Variants in CLNK observed in about 807,000 individuals in gnomAD.
The protein encoded by CLNK is cytokine-dependent hematopoietic cell linker.
Under a neutral mutation model 68.6 loss-of-function variants are expected in CLNK, and 74 were observed. That is an observed-to-expected ratio of 1.08 (90% CI 0.89 to 1.31). The LOEUF (loss-of-function observed/expected upper bound fraction) is 1.31. Among genes scored for constraint, CLNK ranks in the 50% most tolerant of loss-of-function variants. The pLI, the probability that CLNK is intolerant of heterozygous loss-of-function variation, is 0.00. For missense variants in CLNK, 553 were observed against 515.3 expected (o/e 1.07, Z -0.71); for synonymous variants, 198 against 172.2 (o/e 1.15, Z -1.17).
At chr4:10,549,140 A>T (rs1212692495) in intron 8 of CLNK, among the ~76,000 whole-genome samples, 1 of 152,192 alleles carries the variant, frequency 6.6e-6, no homozygotes, top group Non-Finnish European at 1.5e-5. Context: ...CAATAGTTAC[A>T]AAAATCCACG....
intron 15 of CLNK, among the ~76,000 whole-genome samples, chr4:10,514,959 G>A (rs1171770037): frequency 2.0e-5 from 3 of 152,160 alleles, no homozygotes; most frequent in South Asian, 2.1e-4. Context: ...ATTCTGGGCC[G>A]GGTGTGGTGG....
intron 1 of CLNK, among the ~76,000 whole-genome samples, chr4:10,669,399 G>A (rs1310398587): frequency 1.3e-5 from 2 of 152,206 alleles, no homozygotes; most frequent in Admixed American, 6.5e-5. Context: ...TAATACTTGA[G>A]CTTTGTCTTG....
rs1479755209 is a variant in CLNK, at chr4:10,513,464, C to G, written c.906G>C (p.Lys302Asn). The change falls in exon 16 of 19, where the codon AAG (lysine) becomes AAC (asparagine). Residue 302 changes from lysine (K) to asparagine (N), a missense_variant and splice_region_variant. Physicochemically the swap from Lys to Asn is moderately conservative, Grantham distance 94. Coordinates refer to ENST00000226951, the MANE Select transcript of CLNK (RefSeq NM_052964.4). ...RPPFPKRSDR[K>N]DVQHNEWYIG... ...ACTTGGCAGAGAAGTGTCTGCTTACCTTTCTATCAGACCTTTTGGGGAAAG... is the reference window on the plus strand; with the variant it reads ...ACTTGGCAGAGAAGTGTCTGCTTACGTTTCTATCAGACCTTTTGGGGAAAG... 6 of 1,610,604 alleles carry G rather than the reference C, an allele frequency of 3.7e-6. No individual in the cohort carries two copies. Among genetic ancestry groups the G allele is most frequent in the Non-Finnish European group, 5.1e-6 (6 of 1,178,516 alleles).
chr4:10,693,605 A>G, the CLNK span, among the ~76,000 whole-genome samples: 1 of 152,170 alleles, frequency 6.6e-6, no homozygotes, highest in Non-Finnish European at 1.5e-5. Context: ...GGCCTCCAGA[A>G]CCCTGAGAGG....
At chr4:10,711,402 C>G in the CLNK span, among the ~76,000 whole-genome samples, 1 of 152,288 alleles carries the variant, frequency 6.6e-6, no homozygotes, top group Admixed American at 6.5e-5. Context: ...AGTCACAGAA[C>G]ATTCTCTTCC....
In CLNK at chr4:10,605,278, C is replaced by T. The variant is rs115680115; in HGVS notation, c.12-7229G>A. On this transcript the variant is annotated intron_variant, in intron 2 of 18. Transcript: ENST00000226951. ...TACATATGTATATACAGTGACACAT[C>T]GCTTAATGACGGGAATGTGTTCTGG... Among the ~76,000 whole-genome samples the T allele has an allele frequency of 7.1e-3, 1,086 of 152,214 alleles. 14 individuals are homozygous for T. The highest frequency in any genetic ancestry group is 0.025 in the African/African-American group (1,030 of 41,516).
At chr4:10,706,456 A>G in the CLNK span, among the ~76,000 whole-genome samples, 1 of 152,224 alleles carries the variant, frequency 6.6e-6, no homozygotes, top group African/African-American at 2.4e-5. Context: ...ATGCCAAAAT[A>G]AACACCACAG....
chr4:10,603,203 T>G (rs1264575632), intron 2 of CLNK, among the ~76,000 whole-genome samples: 1 of 152,246 alleles, frequency 6.6e-6, no homozygotes, highest in African/African-American at 2.4e-5. Context: ...GCTTGCAGGC[T>G]GCTGAGAAAT....
Position 10,486,838 on chromosome 4 carries a change from T to C in CLNK, c.*3629A>G, listed in dbSNP as rs1716372000. Reference sequence around the variant, plus strand: ...AAGTACTCAGAAATAAGTGTTAAAATAGAAATCCAATCCAGTAATGGGAAA... The same window carrying C: ...AAGTACTCAGAAATAAGTGTTAAAACAGAAATCCAATCCAGTAATGGGAAA... On this transcript the variant is annotated 3_prime_UTR_variant, in exon 19 of 19. Coordinates refer to ENST00000226951, the MANE Select transcript of CLNK (RefSeq NM_052964.4). 1 of 152,226 alleles carries C rather than the reference T, an allele frequency of 6.6e-6. No individual in the cohort carries two copies. Among genetic ancestry groups the C allele is most frequent in the Admixed American group, 6.5e-5 (1 of 15,282 alleles). The allele number at this position is 152,226 out of a possible 1,614,324, so 9.4% of individuals were successfully genotyped here.
intron 8 of CLNK, among the ~76,000 whole-genome samples, chr4:10,557,312 G>A (rs1335969441): frequency 6.6e-6 from 1 of 152,032 alleles, no homozygotes; most frequent in African/African-American, 2.4e-5. Context: ...CTGACCAGTA[G>A]GGACACACAG....
At chr4:10,637,206 CCATG>C (rs1315982975) in intron 2 of CLNK, among the ~76,000 whole-genome samples, 2 of 152,192 alleles carry the variant, frequency 1.3e-5, no homozygotes, top group Non-Finnish European at 2.9e-5. Flanking sequence ...TCAGGCAAGG[CCATG>C]CAAATAGTTC....
At chr4:10,593,413 G>T (rs183654424) in intron 3 of CLNK, among the ~76,000 whole-genome samples, 1 of 152,224 alleles carries the variant, frequency 6.6e-6, no homozygotes, top group African/African-American at 2.4e-5. Flanking sequence ...CCAGGTCTTT[G>T]GGAGGCTGAG....
At chr4:10,518,831 C>A (rs1000559111) in intron 15 of CLNK, among the ~76,000 whole-genome samples, 4 of 152,186 alleles carry the variant, frequency 2.6e-5, no homozygotes, top group Admixed American at 6.5e-5. Flanking sequence ...ATACCTGATG[C>A]ATTAGAGAGC....
intron 2 of CLNK, among the ~76,000 whole-genome samples, chr4:10,625,471 T>C (rs1370010770): frequency 6.6e-6 from 1 of 152,152 alleles, no homozygotes; most frequent in Non-Finnish European, 1.5e-5. Context: ...AGATCATCAA[T>C]AGACTTTGGA....
chr4:10,533,069 C>T (rs1718612522), intron 11 of CLNK, among the ~76,000 whole-genome samples: 1 of 151,982 alleles, frequency 6.6e-6, no homozygotes, highest in Non-Finnish European at 1.5e-5. Flanking sequence ...ACCAGCCTGG[C>T]CAACATGGTG....
At chr4:10,613,162 GA>G (rs1336483467) in intron 2 of CLNK, among the ~76,000 whole-genome samples, 1 of 152,154 alleles carries the variant, frequency 6.6e-6, no homozygotes, top group Admixed American at 6.5e-5. Flanking sequence ...ACAGTAAACA[GA>G]ATGAATCAGG....
intron 17 of CLNK, among the ~76,000 whole-genome samples, chr4:10,506,729 G>A (rs1458580765): frequency 6.6e-6 from 1 of 152,196 alleles, no homozygotes; most frequent in East Asian, 1.9e-4. Context: ...TACATGGGAA[G>A]TTATTTAGAA....
chr4:10,686,932 T>C (rs1423521472), upstream of CLNK, among the ~76,000 whole-genome samples: 6 of 152,182 alleles, frequency 3.9e-5, no homozygotes, highest in East Asian at 1.2e-3. Flanking sequence ...CATTCATTAA[T>C]TTATTATCTA....
chr4:10,494,999 C>T (rs1716750227), intron 18 of CLNK, among the ~76,000 whole-genome samples: 2 of 151,272 alleles, frequency 1.3e-5, no homozygotes, highest in African/African-American at 2.4e-5. Flanking sequence ...TGTTTGGGTA[C>T]ACACATGAGA....
Sources: gnomAD v4.1 joint callset for allele counts (sites outside exome capture counted in the v4.1 genomes callset) on GRCh38, gnomAD v4.1.1 for gene constraint, MANE v1.5 for transcripts, NCBI Gene and HGNC (gene_info 2026-07-23, HGNC 2026-07-21) for gene names.